Variants in TNC observed in about 807,000 individuals in gnomAD.
TNC encodes the protein tenascin.
TNC carries 109 observed loss-of-function variants against 202.4 expected under a neutral mutation model. The ratio of observed to expected loss-of-function variants is 0.54; its 90% CI spans 0.46 to 0.63. The LOEUF is 0.63. TNC is among the 30% of genes least tolerant of loss of function. The probability of loss-of-function intolerance (pLI) is 0.00; values close to 1 mark genes in which losing one functional copy is unlikely to be tolerated. For synonymous variants in TNC, 1,007 were observed against 1,089.7 expected (o/e 0.92, Z 1.50); for missense variants, 2,756 against 2,833.3 (o/e 0.97, Z 0.62).
At chr9:115,066,618 C>A (rs534468895) in intron 10 of TNC, among the ~76,000 whole-genome samples, 1 of 152,318 alleles carries the variant, frequency 6.6e-6, no homozygotes, top group South Asian at 2.1e-4. Context: ...TGATCGAGAA[C>A]AGAGGTCCGC....
At chr9:115,088,612 A>G (rs117778560) in intron 2 of TNC, among the ~76,000 whole-genome samples, 1,703 of 152,286 alleles carry the variant, frequency 0.011, 11 homozygotes, top group Non-Finnish European at 0.018. Flanking sequence ...TCTGCACTAG[A>G]GTATATTCAC....
At chr9:115,072,568 A>G (rs764661872) in intron 10 of TNC, among the ~76,000 whole-genome samples, 3 of 152,210 alleles carry the variant, frequency 2.0e-5, no homozygotes, top group Non-Finnish European at 4.4e-5. Context: ...ATCCCTTGCC[A>G]TAACACCTTT....
intron 16 of TNC, among the ~76,000 whole-genome samples, chr9:115,047,856 G>C (rs1176057310): frequency 6.6e-6 from 1 of 152,168 alleles, no homozygotes; most frequent in Non-Finnish European, 1.5e-5. Context: ...TTAAGATCAT[G>C]GTTGAGATTT....
intron 16 of TNC, among the ~76,000 whole-genome samples, chr9:115,047,840 AG>A (rs1427198556): frequency 2.6e-5 from 4 of 152,210 alleles, no homozygotes; most frequent in African/African-American, 9.6e-5. Flanking sequence ...CCACTGGGTA[AG>A]TTTGTTAAGA....
chr9:115,038,129 A>G (rs1830468073), intron 20 of TNC, 132 bp downstream of exon 20: 1 of 1,226,560 alleles, frequency 8.2e-7, no homozygotes, highest in Non-Finnish European at 1.1e-6. Context: ...CATGAACATT[A>G]CTGGCCTTTT....
chr9:115,087,260 G>A lies in TNC; in HGVS notation c.471C>T (p.Thr157=). The A allele has an allele frequency of 1.1e-5, 18 of 1,612,174 alleles. No homozygotes were observed. The highest frequency in any genetic ancestry group is 1.5e-5 in the Non-Finnish European group (18 of 1,178,382). The change falls in exon 3 of 28, where the codon ACC becomes ACT. Residue 157 remains threonine, a synonymous_variant. Transcript: ENST00000350763. ...CLQPATGRLD[T]RPFCSGRGNF... is the part of the protein sequence containing the mutation. Reference sequence around the variant, plus strand: ...TGCCCCGACCGCTACAGAAGGGCCTGGTGTCCAAGCGGCCTGCAACAAAAG... The same window carrying A: ...TGCCCCGACCGCTACAGAAGGGCCTAGTGTCCAAGCGGCCTGCAACAAAAG...
At chr9:115,064,989 T>A in intron 10 of TNC, 70 bp from the exon 11 acceptor site, 1 of 1,550,520 alleles carries the variant, frequency 6.4e-7, no homozygotes, top group Non-Finnish European at 8.7e-7. Flanking sequence ...AACCTGGGAA[T>A]GGCAAACCCA....
intron 7 of TNC, 136 bp from the exon 8 acceptor site, chr9:115,076,711 C>T (rs1024413671): frequency 1.3e-5 from 13 of 978,394 alleles, no homozygotes; most frequent in East Asian, 1.2e-4. Context: ...CTCATCTGTC[C>T]CCATAGTGGA....
chr9:115,031,480 T>C, intron 23 of TNC, 73 bp downstream of exon 23: 1 of 1,392,102 alleles, frequency 7.2e-7, no homozygotes, highest in Non-Finnish European at 9.4e-7. Context: ...AAAGTAGAAG[T>C]CAAAGGGGAA....
intron 26 of TNC, among the ~76,000 whole-genome samples, chr9:115,024,991 G>T (rs1268740286): frequency 6.6e-6 from 1 of 152,176 alleles, no homozygotes; most frequent in Non-Finnish European, 1.5e-5. Flanking sequence ...TTTAACTGAT[G>T]ATGCTACCCA....
chr9:115,042,094 T>G (rs1447709838), intron 18 of TNC, 125 bp downstream of exon 18: 16 of 1,420,846 alleles, frequency 1.1e-5, no homozygotes, highest in Non-Finnish European at 1.5e-5. Context: ...CCAGATGGTC[T>G]CACAAATAAA....
intron 25 of TNC, among the ~76,000 whole-genome samples, chr9:115,028,814 A>C (rs1829707482): frequency 6.6e-6 from 1 of 150,592 alleles, no homozygotes; most frequent in African/African-American, 2.4e-5. Flanking sequence ...CTTTTTTGTC[A>C]TTCTGCTTTT....
intron 9 of TNC, among the ~76,000 whole-genome samples, chr9:115,075,144 G>A (rs1833746028): frequency 6.6e-6 from 1 of 152,082 alleles, no homozygotes; most frequent in South Asian, 2.1e-4. Flanking sequence ...GTAAGCTGGG[G>A]GCTGGGGGAG....
rs536872906 is a variant in TNC, at chr9:115,062,981, T to G, written c.3969A>C (p.Thr1323=). ...IPGLRAGTPY[T]VTLHGEVRGH... ...CCCTGACCTCGCCGTGCAGGGTGAC[T>G]GTGTAAGGAGTGCCAGCCCTGAGGC... The change falls in exon 13 of 28, where the codon ACA becomes ACC. Residue 1323 remains threonine, a synonymous_variant. Transcript: ENST00000350763. 6.2e-7 allele frequency: 1 copy of G among 1,614,066 alleles called. No individual in the cohort carries two copies. Among genetic ancestry groups the G allele is most frequent in the East Asian group, 2.2e-5 (1 of 44,868 alleles).
In TNC at chr9:115,036,104, T is replaced by A. The variant is rs1369681377; in HGVS notation, c.5650A>T (p.Thr1884Ser). The A allele has an allele frequency of 6.2e-7, 1 of 1,614,192 alleles. No homozygotes were observed. The highest frequency in any genetic ancestry group is 1.1e-5 in the South Asian group (1 of 91,082). ...GCTCTCAGTGTCTTTGTACCTGTTG[T>A]GAACTTGGCAGTGATGGTTGAGCTC... ...QKSSTITAKF[T>S]TDLDSPRDLT... Residue 1884 changes from threonine to serine, a missense_variant, in exon 21 of 28, where the codon ACA (threonine) becomes TCA (serine). Physicochemically the swap from Thr to Ser is moderately conservative, Grantham distance 58. Around this residue, in one of 2 missense-constraint regions of TNC, gnomAD observed 2,559 missense variants for 2,546.0 expected, o/e 1.01. Transcript: ENST00000350763.
At chr9:115,038,597 G>A (rs1830507266) in intron 19 of TNC, among the ~76,000 whole-genome samples, 2 of 152,204 alleles carry the variant, frequency 1.3e-5, no homozygotes, top group Non-Finnish European at 2.9e-5. Flanking sequence ...ATATCCTCAT[G>A]TGTAAAATAG....
intron 14 of TNC, 134 bp from the exon 15 acceptor site, chr9:115,057,559 G>T: frequency 1.0e-6 from 1 of 986,682 alleles, no homozygotes; most frequent in East Asian, 2.4e-5. Flanking sequence ...ATGATGGAAG[G>T]AAGCAATGTT....
chr9:115,059,988 G>T lies in TNC; in HGVS notation c.4048C>A (p.Leu1350Met), dbSNP rs755630963. 6.2e-7 allele frequency: 1 copy of T among 1,613,076 alleles called. No homozygotes were observed. The highest frequency in any genetic ancestry group is 1.1e-5 in the South Asian group (1 of 90,964). The change falls in exon 14 of 28, where the codon CTG (leucine) becomes ATG (methionine). Residue 1350 changes from leucine to methionine, a missense_variant. Physicochemically the swap from Leu to Met is conservative, Grantham distance 15. Transcript: ENST00000350763. ...ACCTCAGACACGGCTAAATCTCCCA[G>T]CTGTGGGAGATCCTCTGAAGAAGGA... is the stretch of plus-strand genomic sequence containing the variant. ...VEVVTEDLPQ[L>M]GDLAVSEVGW... is the part of the protein sequence containing the mutation.
chr9:115,102,100 TGAGGCATA>T (rs1836283127), intron 1 of TNC, among the ~76,000 whole-genome samples: 1 of 152,206 alleles, frequency 6.6e-6, no homozygotes, highest in Non-Finnish European at 1.5e-5. Flanking sequence ...CTGAAAAAAC[TGAGGCATA>T]GAGTCTTTAC....
Sources: allele counts gnomAD v4.1 joint callset (sites outside exome capture counted in the v4.1 genomes callset), GRCh38; gene constraint gnomAD v4.1.1; regional missense constraint gnomAD v4.1.1; transcripts MANE v1.5; gene names NCBI Gene and HGNC (gene_info 2026-07-23, HGNC 2026-07-21).